SRRT: variants seen among roughly 807,000 people sequenced by gnomAD.
The protein encoded by SRRT is serrate, RNA effector molecule, also known as serrate RNA effector molecule homolog.
A neutral mutation model predicts 103.2 loss-of-function variants in SRRT; 32 were observed. That is an observed-to-expected ratio of 0.31 (90% CI 0.23 to 0.42). SRRT has a LOEUF of 0.42. Among genes scored for constraint, SRRT ranks in the 10% least tolerant of loss-of-function variants. SRRT has a pLI of 1.00. For synonymous variants in SRRT, 525 were observed against 449.0 expected (o/e 1.17, Z -2.14); for missense variants, 986 against 1,207.5 (o/e 0.82, Z 2.72).
chr7:100,886,124 C>T (rs1790073619), intron 12 of SRRT, 123 bp from the exon 13 acceptor site: 4 of 1,295,572 alleles, frequency 3.1e-6, no homozygotes, highest in East Asian at 2.4e-5. Context: ...TATGTGGTCC[C>T]CGTCCCCAGG....
chr7:100,885,707 A>G lies in SRRT; in HGVS notation c.1324A>G (p.Lys442Glu), dbSNP rs2115867558. The G allele has an allele frequency of 6.2e-7, 1 of 1,611,566 alleles. No homozygotes were observed. Among genetic ancestry groups the G allele is most frequent in the Middle Eastern group, 1.7e-4 (1 of 6,046 alleles). ...GCTTTTCTGCTTCTTGCAGCTTTGT[A>G]AAAGGTACCCAGGCTTTATGCGGGT... ...ISRAEIISLCKRYPGFMRVAL... is the reference protein window; with the variant it reads ...ISRAEIISLCERYPGFMRVAL... The change falls in exon 11 of 20, where the codon AAA (lysine) becomes GAA (glutamate). Residue 442 changes from lysine (K) to glutamate (E), a missense_variant. Transcript: ENST00000611405. This position sits in a 1 kb window ranked among gnomAD's most constrained non-coding sequence, Gnocchi z 4.8.
At position 100,884,948 on chromosome 7, in the gene SRRT, A is replaced by C; in HGVS notation, c.1067A>C (p.His356Pro). The C allele has an allele frequency of 1.9e-6, 3 of 1,614,086 alleles. No homozygotes were observed. Among genetic ancestry groups the C allele is most frequent in the Non-Finnish European group, 2.5e-6 (3 of 1,180,000 alleles). Residue 356 changes from histidine (H) to proline (P), a missense_variant, in exon 9 of 20, where the codon CAC becomes CCC. Around this residue, in one of 6 missense-constraint regions of SRRT, gnomAD observed 166 missense variants for 148.6 expected, o/e 1.12. Coordinates refer to ENST00000611405, the MANE Select transcript of SRRT (RefSeq NM_015908.6). ...AGTAGCAAGAAGCGGAACCGGAAGCACAGTGGTGACGACAGCTTTGACGAG... is the reference window on the plus strand; with the variant it reads ...AGTAGCAAGAAGCGGAACCGGAAGCCCAGTGGTGACGACAGCTTTGACGAG... Reference protein sequence around the residue: ...KKSSKKRNRKHSGDDSFDEGS... With the variant: ...KKSSKKRNRKPSGDDSFDEGS...
rs529421852 is a variant in SRRT, at chr7:100,886,205, C to CGGGGTAAGT, written c.1459-33_1459-25dup. On this transcript the variant is annotated intron_variant, in intron 12 of 19. Transcript: ENST00000611405. Reference sequence around the variant, plus strand: ...TTAGAGCTGCTGTTTCTCTGGCAAGCGGGGTAAGTGGGGTAAGCTGCTGAT... The same window carrying CGGGGTAAGT: ...TTAGAGCTGCTGTTTCTCTGGCAAGCGGGGTAAGTGGGGTAAGTGGGGTAAGCTGCTGAT... 1.7e-5 allele frequency: 27 copies of CGGGGTAAGT among 1,584,380 alleles called. No homozygotes were observed. The East Asian group carries it at 5.2e-4, about 30-fold the overall frequency.
chr7:100,888,277 G>A lies in SRRT; in HGVS notation c.2449G>A (p.Val817Ile). The change falls in exon 19 of 20, where the codon GTC (valine) becomes ATC (isoleucine). Residue 817 changes from valine to isoleucine, a missense_variant. Val to Ile is a conservative substitution (Grantham distance 29). Coordinates refer to ENST00000611405, the MANE Select transcript of SRRT (RefSeq NM_015908.6). ...CATAGCTGGTGCTGTCCGCCCTGCA[G>A]TCCCCACAGGAGGCCCTCCATACCC... ...GYGAGAVRPA[V>I]PTGGPPYPHA... The A allele has an allele frequency of 6.2e-7, 1 of 1,610,290 alleles. No homozygotes were observed.
intron 7 of SRRT, 58 bp downstream of exon 7, chr7:100,884,610 A>C (rs2115845068): frequency 8.6e-5 from 64 of 747,150 alleles, no homozygotes; most frequent in Middle Eastern, 3.2e-4. Context: ...GGGGGCGGGT[A>C]GGGGTCCATA....
chr7:100,875,360 C>T, intron 1 of SRRT, 32 bp downstream of exon 1: 1 of 1,295,916 alleles, frequency 7.7e-7, no homozygotes, highest in Non-Finnish European at 9.9e-7. Flanking sequence ...GGGGGCCCCG[C>T]TGGGGCGGGA....
intron 2 of SRRT, 139 bp from the exon 3 acceptor site, chr7:100,881,146 G>GT (rs1435226439): frequency 1.3e-6 from 1 of 795,698 alleles, no homozygotes; most frequent in African/African-American, 1.8e-5. Flanking sequence ...GGGGGGCGGG[G>GT]GGGGGTCTCA....
At position 100,885,028 on chromosome 7, in the gene SRRT, AAGG is replaced by A. The variant is rs1563020737; in HGVS notation, c.1154_1156del (p.Glu385del). On this transcript the variant is annotated inframe_deletion, in exon 9 of 20. Transcript: ENST00000611405. This position sits in a 1 kb window ranked among gnomAD's most constrained non-coding sequence, Gnocchi z 4.8. ...AGAGAGCGGCCAGGCTGAGGAGGAG[AAGG>A]AGGAGGCCGGTAGGGTTTCTTTTCT... 5.6e-6 allele frequency: 9 copies of A among 1,613,606 alleles called. No homozygotes were observed. The highest frequency in any genetic ancestry group is 1.6e-4 in the Middle Eastern group (1 of 6,080).
chr7:100,882,020 A>C lies in SRRT; in HGVS notation c.399-33A>C, dbSNP rs112314053. The C allele has an allele frequency of 1.6e-3, 2,619 of 1,593,628 alleles. 23 individuals are homozygous for C. In the African/African-American group the frequency reaches 0.029, roughly 18 times the overall value. ...CCTGTAGCCTCCCACCGTTCCCCAA[A>C]AACCAAGCCTTCCTGACCGGGGTCC... is the stretch of plus-strand genomic sequence containing the variant. On this transcript the variant is annotated intron_variant, in intron 4 of 19. Transcript: ENST00000611405. The surrounding 1 kb of genome is among the most constrained non-coding windows in gnomAD (Gnocchi z 4.2).
At position 100,885,938 on chromosome 7, in the gene SRRT, C is replaced by A. The variant is rs777521565; in HGVS notation, c.1455C>A (p.Ile485=). ...IKEICWNLQN[I]RLRECELSPG... Reference sequence around the variant, plus strand: ...AGATCTGTTGGAACCTGCAGAACATCCGTGTGAGTGCTGGGGGTGGGACTG... The same window carrying A: ...AGATCTGTTGGAACCTGCAGAACATACGTGTGAGTGCTGGGGGTGGGACTG... Residue 485 remains isoleucine (I), a synonymous_variant, in exon 12 of 20, where the codon ATC becomes ATA. Transcript: ENST00000611405. The surrounding 1 kb of genome is among the most constrained non-coding windows in gnomAD (Gnocchi z 4.8). The A allele has an allele frequency of 6.2e-6, 10 of 1,613,944 alleles. No individual in the cohort carries two copies. In the Admixed American group the frequency reaches 6.7e-5, roughly 11 times the overall value.
chr7:100,875,225 C>A lies in SRRT; in HGVS notation c.-122C>A. 3.4e-6 allele frequency: 1 copy of A among 298,224 alleles called. No homozygotes were observed. The allele number at this position is 298,224 out of a possible 1,614,324, so 18.5% of individuals were successfully genotyped here. A position where few individuals can be genotyped will look rare whatever the true frequency, so the allele number is the denominator to read the frequency against. The stretch of plus-strand genomic sequence containing the variant: ...TCGGCCCTCTACTCAAGAGCTCCGT[C>A]TCCGTCTCGCCCTCCTCGAAGTCCT... On this transcript the variant is annotated 5_prime_UTR_variant, in exon 1 of 20. Coordinates refer to ENST00000611405, the MANE Select transcript of SRRT (RefSeq NM_015908.6).
At position 100,875,592 on chromosome 7, in the gene SRRT, TG is replaced by T; in HGVS notation, c.5del (p.Gly2?). The T allele has an allele frequency of 6.2e-6, 10 of 1,613,914 alleles. No individual in the cohort carries two copies. The highest frequency in any genetic ancestry group is 8.5e-6 in the Non-Finnish European group (10 of 1,179,852). ...CCCCAGGCCCCCTCAGACCGTGCCATGGGTGACAGTGATGACGAGTACGATC... is the reference window on the plus strand; with the variant it reads ...CCCCAGGCCCCCTCAGACCGTGCCATGGTGACAGTGATGACGAGTACGATC... The part of the protein sequence containing the change: [M>X]GDSDDEYDRR... On this transcript the variant is annotated frameshift_variant and start_lost, in exon 2 of 20. Transcript: ENST00000611405. LOFTEE classifies it high-confidence loss of function.
At position 100,888,340 on chromosome 7, in the gene SRRT, G is replaced by C. The variant is rs777143598; in HGVS notation, c.2512G>C (p.Ala838Pro). 1.8e-5 allele frequency: 29 copies of C among 1,613,990 alleles called. No homozygotes were observed. In the Admixed American group the frequency reaches 4.8e-4, roughly 27 times the overall value. ...PYGAGRGNYD[A>P]FRGQGGYPGK... ...TGGTGCTGGTCGAGGGAACTATGAT[G>C]CCTTCCGAGGCCAGGGAGGTTATCC... The change falls in exon 19 of 20, where the codon GCC (alanine) becomes CCC (proline). Residue 838 changes from alanine to proline, a missense_variant. Ala to Pro is a conservative substitution (Grantham distance 27). Coordinates refer to ENST00000611405, the MANE Select transcript of SRRT (RefSeq NM_015908.6).
intron 5 of SRRT, among the ~76,000 whole-genome samples, chr7:100,883,370 C>T (rs974776842): frequency 6.6e-6 from 1 of 152,152 alleles, no homozygotes; most frequent in African/African-American, 2.4e-5. Flanking sequence ...TTCCCCTTTT[C>T]CTCATACTCC....
Position 100,882,333 on chromosome 7 carries a change from CT to C in SRRT, c.587+93del. 1 of 1,420,740 alleles carries C rather than the reference CT, an allele frequency of 7.0e-7. No individual in the cohort carries two copies. Among genetic ancestry groups the C allele is most frequent in the South Asian group, 1.3e-5 (1 of 74,196 alleles). The allele number at this position is 1,420,740 out of a possible 1,614,324, so 88.0% of individuals were successfully genotyped here. Reference sequence around the variant, plus strand: ...AGCCCTGTCCTCTTCCCAGTTTTCCCTGTCCAGAACTTTCTGGGGGCGGGGG... The same window carrying C: ...AGCCCTGTCCTCTTCCCAGTTTTCCCGTCCAGAACTTTCTGGGGGCGGGGG... On this transcript the variant is annotated intron_variant, in intron 5 of 19. Coordinates refer to ENST00000611405, the MANE Select transcript of SRRT (RefSeq NM_015908.6). The surrounding 1 kb of genome is among the most constrained non-coding windows in gnomAD (Gnocchi z 4.2).
chr7:100,888,047 C>A lies in SRRT; in HGVS notation c.2332C>A (p.Pro778Thr). ...AQPPGPAQIL[P>T]PGLTPGLPYP... ...TCATGTCCCTGTCCGTGTTGTACTCCCCCCAGGTTTGACCCCAGGACTCCC... is the reference window on the plus strand; with the variant it reads ...TCATGTCCCTGTCCGTGTTGTACTCACCCCAGGTTTGACCCCAGGACTCCC... The change falls in exon 18 of 20, where the codon CCC becomes ACC. Residue 778 changes from proline (P) to threonine (T), a missense_variant. Pro to Thr is a conservative substitution (Grantham distance 38, BLOSUM62 -1). Coordinates refer to ENST00000611405, the MANE Select transcript of SRRT (RefSeq NM_015908.6). The A allele has an allele frequency of 6.4e-7, 1 of 1,550,786 alleles. No individual in the cohort carries two copies. Among genetic ancestry groups the A allele is most frequent in the Non-Finnish European group, 8.7e-7 (1 of 1,153,094 alleles).
chr7:100,882,163 A>G lies in SRRT; in HGVS notation c.509A>G (p.Lys170Arg). ...TCGGTGGATGAGACGGAGGCCGTCA[A>G]GCGCTATAATGACTACAAGCTGGAT... ...DDSVDETEAV[K>R]RYNDYKLDFR... The change falls in exon 5 of 20, where the codon AAG becomes AGG. Residue 170 changes from lysine (K) to arginine (R), a missense_variant. This residue lies in a region of SRRT where 274 missense variants were observed against 358.5 expected (regional missense o/e 0.76). Transcript: ENST00000611405. The surrounding 1 kb of genome is among the most constrained non-coding windows in gnomAD (Gnocchi z 4.2). 3 of 1,614,170 alleles carry G rather than the reference A, an allele frequency of 1.9e-6. No individual in the cohort carries two copies. Among genetic ancestry groups the G allele is most frequent in the Non-Finnish European group, 2.5e-6 (3 of 1,180,020 alleles).
intron 7 of SRRT, 43 bp from the exon 8 acceptor site, chr7:100,884,697 G>T: frequency 6.3e-7 from 1 of 1,589,406 alleles, no homozygotes; most frequent in Non-Finnish European, 8.6e-7. Context: ...GATAAAGGTG[G>T]GAGGGGAGGT....
At chr7:100,875,381 G>T (rs921582024) in intron 1 of SRRT, 53 bp downstream of exon 1, 42 of 1,339,114 alleles carry the variant, frequency 3.1e-5, no homozygotes, top group Non-Finnish European at 4.8e-6. Flanking sequence ...GAGGAACCGG[G>T]GTCCACGGGG....
Sources: gnomAD v4.1 joint callset for allele counts (sites outside exome capture counted in the v4.1 genomes callset) on GRCh38, gnomAD v4.1.1 for gene constraint, gnomAD v4.1.1 regional missense constraint, Gnocchi (gnomAD v3.1) non-coding constraint, MANE v1.5 for transcripts, NCBI Gene and HGNC (gene_info 2026-07-23, HGNC 2026-07-21) for gene names.